The following FIP1L1 variants were observed in gnomAD, a reference collection of about 807,000 sequenced individuals.
FIP1L1 encodes factor interacting with PAPOLA and CPSF1.
Under a neutral mutation model 84.6 loss-of-function variants are expected in FIP1L1, and 21 were observed. The ratio of observed to expected loss-of-function variants is 0.25; its 90% CI spans 0.18 to 0.36. The LOEUF (loss-of-function observed/expected upper bound fraction) is 0.36, where lower values mean the gene tolerates loss of function less well. FIP1L1 is among the 10% of genes least tolerant of loss of function. The pLI is 1.00. For missense variants in FIP1L1, 526 were observed against 751.1 expected, an observed-to-expected ratio of 0.70 and a Z score of 3.50; for synonymous variants, 263 against 242.3, an observed-to-expected ratio of 1.09 and a Z score of -0.80.
chr4:53,444,788 T>G (rs1579070282), intron 15 of FIP1L1, among the ~76,000 whole-genome samples: 1 of 152,052 alleles, frequency 6.6e-6, no homozygotes, highest in Non-Finnish European at 1.5e-5. Context: ...CCTAGGCTGG[T>G]CTTGAACTCC....
intron 7 of FIP1L1, 124 bp from the exon 8 acceptor site, chr4:53,390,885 C>A: frequency 1.2e-6 from 1 of 812,570 alleles, no homozygotes; most frequent in South Asian, 2.4e-5. Context: ...TTTTTGCCAC[C>A]ATAAATGATA....
At chr4:53,400,533 C>T (rs185008624) in intron 10 of FIP1L1, among the ~76,000 whole-genome samples, 7 of 152,320 alleles carry the variant, frequency 4.6e-5, no homozygotes, top group Admixed American at 3.9e-4. Context: ...AATAACCCAA[C>T]TATTACTAGT....
At chr4:53,430,589 G>A (rs1766218297) in intron 13 of FIP1L1, among the ~76,000 whole-genome samples, 1 of 151,564 alleles carries the variant, frequency 6.6e-6, no homozygotes, top group Admixed American at 6.6e-5. Context: ...TGCCCTCCTC[G>A]GCCTCCCAAA....
chr4:53,389,203 A>G lies in FIP1L1; in HGVS notation c.333-606A>G, dbSNP rs1289673093. ...ATTTCTGTTATGGACTGAGTACTCC[A>G]TGAATAGTTGAAAAAGGATTTATTA... On this transcript the variant is annotated intron_variant, in intron 5 of 17. Transcript: ENST00000337488. 2.0e-5 allele frequency among the ~76,000 whole-genome samples: 3 copies of G among 152,340 alleles called. No individual in the cohort carries two copies. The East Asian group carries it at 5.8e-4, about 29-fold the overall frequency.
intron 10 of FIP1L1, among the ~76,000 whole-genome samples, chr4:53,412,878 C>G (rs948076309): frequency 6.6e-6 from 1 of 152,000 alleles, no homozygotes; most frequent in African/African-American, 2.4e-5. Context: ...ACTGTAATGG[C>G]TGCAAAATAG....
In FIP1L1 at chr4:53,414,605, A is replaced by G. The variant is rs1477105499; in HGVS notation, c.816-10A>G. 1 of 1,593,684 alleles carries G rather than the reference A, an allele frequency of 6.3e-7. No homozygotes were observed. Among genetic ancestry groups the G allele is most frequent in the South Asian group, 1.1e-5 (1 of 89,606 alleles). Reference sequence around the variant, plus strand: ...ATGTAAGAAAAAACATAGAAAATTTATCTCACCAGAAACAGCACTTCTTCT... The same window carrying G: ...ATGTAAGAAAAAACATAGAAAATTTGTCTCACCAGAAACAGCACTTCTTCT... On this transcript the variant is annotated splice_polypyrimidine_tract_variant and intron_variant, in intron 10 of 17. Transcript: ENST00000337488.
chr4:53,456,229 A>G (rs1374359418), intron 16 of FIP1L1, among the ~76,000 whole-genome samples: 1 of 152,122 alleles, frequency 6.6e-6, no homozygotes, highest in Admixed American at 6.6e-5. Flanking sequence ...GGACTCATAA[A>G]TTTTCTTTGC....
chr4:53,424,958 G>A (rs1199147139), intron 11 of FIP1L1, among the ~76,000 whole-genome samples: 1 of 152,028 alleles, frequency 6.6e-6, no homozygotes, highest in African/African-American at 2.4e-5. Context: ...TCCAACCTAT[G>A]GTAGCTGCTG....
intron 15 of FIP1L1, among the ~76,000 whole-genome samples, chr4:53,448,839 A>T (rs1775261192): frequency 6.6e-6 from 1 of 152,114 alleles, no homozygotes; most frequent in South Asian, 2.1e-4. Flanking sequence ...AGTTATCTCC[A>T]TACACTTCTT....
Position 53,399,836 on chromosome 4 carries a change from G to A in FIP1L1, c.812G>A (p.Ser271Asn). 1 of 1,603,960 alleles carries A rather than the reference G, an allele frequency of 6.2e-7. No homozygotes were observed. Among genetic ancestry groups the A allele is most frequent in the South Asian group, 1.1e-5 (1 of 90,798 alleles). ...PSLFKTGLPP[S>N]RNSTSSQSQT... ...TTGTTCAAGACTGGGCTTCCACCGAGCAGGTTAGTTACATAGTTATAACTC... is the reference window on the plus strand; with the variant it reads ...TTGTTCAAGACTGGGCTTCCACCGAACAGGTTAGTTACATAGTTATAACTC... Residue 271 changes from serine to asparagine, a missense_variant, in exon 10 of 18, where the codon AGC becomes AAC. By Grantham distance (46) the Ser-to-Asn change is conservative. This residue lies in a region of FIP1L1 where 169 missense variants were observed against 206.9 expected (regional missense o/e 0.82). Transcript: ENST00000337488.
At chr4:53,428,347 C>T (rs1213747530) in intron 13 of FIP1L1, 164 bp downstream of exon 13, 2 of 571,390 alleles carry the variant, frequency 3.5e-6, no homozygotes, top group Admixed American at 7.7e-5. Context: ...ATGTTTATTG[C>T]TATTTCAATA....
chr4:53,436,797 C>G (rs1769412768), intron 13 of FIP1L1, among the ~76,000 whole-genome samples: 1 of 152,146 alleles, frequency 6.6e-6, no homozygotes, highest in African/African-American at 2.4e-5. Context: ...AACAGGAATG[C>G]TGCCTTTCTG....
chr4:53,417,560 T>A (rs1238578825), intron 11 of FIP1L1, among the ~76,000 whole-genome samples: 10 of 140,224 alleles, frequency 7.1e-5, no homozygotes. Flanking sequence ...GAGAATGGCT[T>A]GAACCCGGGA....
At chr4:53,394,173 TCA>T (rs928832071) in intron 9 of FIP1L1, among the ~76,000 whole-genome samples, 1 of 152,216 alleles carries the variant, frequency 6.6e-6, no homozygotes, top group Non-Finnish European at 1.5e-5. Context: ...CCCTCCTCTC[TCA>T]AAGGATATTA....
At chr4:53,399,616 C>T in intron 9 of FIP1L1, 114 bp from the exon 10 acceptor site, 1 of 672,382 alleles carries the variant, frequency 1.5e-6, no homozygotes, top group Non-Finnish European at 2.5e-6. Context: ...AGCAAAGGAA[C>T]ATTCTTAGTG....
rs1428478925 is a variant in FIP1L1, at chr4:53,459,677, A to G, written c.*228A>G. 9 of 568,388 alleles carry G rather than the reference A, an allele frequency of 1.6e-5. No individual in the cohort carries two copies. The African/African-American group carries it at 1.7e-4, about 11-fold the overall frequency. 35.2% of individuals were successfully genotyped at this position (568,388 alleles called of 1,614,324 possible). A position where few individuals can be genotyped will look rare whatever the true frequency, so the allele number is the denominator to read the frequency against. ...AGACAGCAATGACTTTATATCCAAG[A>G]AAGGAATGTGAATGAGTCACTTAAC... is the stretch of plus-strand genomic sequence containing the variant. On this transcript the variant is annotated 3_prime_UTR_variant, in exon 18 of 18. Coordinates refer to ENST00000337488, the MANE Select transcript of FIP1L1 (RefSeq NM_030917.4).
At chr4:53,423,635 A>C (rs1763239669) in intron 11 of FIP1L1, among the ~76,000 whole-genome samples, 5 of 152,144 alleles carry the variant, frequency 3.3e-5, no homozygotes, top group Non-Finnish European at 7.4e-5. Context: ...CGGTAAGCTT[A>C]ATTTATATGA....
intron 13 of FIP1L1, among the ~76,000 whole-genome samples, chr4:53,428,439 A>C (rs34173240): frequency 0.16 from 24,984 of 152,144 alleles, 2,081 homozygotes; most frequent in South Asian, 0.23. Flanking sequence ...ATGATCCCCA[A>C]ACTTAAGTTG....
At chr4:53,391,376 C>A in intron 8 of FIP1L1, 54 bp from the exon 9 acceptor site, 1 of 1,453,074 alleles carries the variant, frequency 6.9e-7, no homozygotes, top group Non-Finnish European at 9.6e-7. Flanking sequence ...TTTATATGGC[C>A]TATTAATTAA....
Sources: gnomAD v4.1 joint callset for allele counts (sites outside exome capture counted in the v4.1 genomes callset) on GRCh38, gnomAD v4.1.1 for gene constraint, gnomAD v4.1.1 regional missense constraint, MANE v1.5 for transcripts, NCBI Gene and HGNC (gene_info 2026-07-23, HGNC 2026-07-21) for gene names.